PCDHA8: variants seen among roughly 807,000 people sequenced by gnomAD.
PCDHA8 encodes the protein protocadherin alpha 8.
PCDHA8 carries 53 observed loss-of-function variants against 61.8 expected under a neutral mutation model. The observed-to-expected ratio is 0.86, with a 90% CI of 0.69 to 1.08. The LOEUF (loss-of-function observed/expected upper bound fraction) is 1.08. Among genes scored for constraint, PCDHA8 ranks in the 50% least tolerant of loss-of-function variants. PCDHA8 has a pLI of 0.00. For missense variants in PCDHA8, 1,293 were observed against 1,245.0 expected (o/e 1.04, Z -0.58); for synonymous variants, 618 against 556.6 (o/e 1.11, Z -1.55).
chr5:140,843,069 G>T lies in PCDHA8; in HGVS notation c.1748G>T (p.Arg583Leu). 1 of 1,595,314 alleles carries T rather than the reference G, an allele frequency of 6.3e-7. No individual in the cohort carries two copies. The highest frequency in any genetic ancestry group is 1.1e-5 in the South Asian group (1 of 90,474). The change falls in exon 1 of 4, where the codon CGG becomes CTG. Residue 583 changes from arginine (R) to leucine (L), a missense_variant. Physicochemically the swap from Arg to Leu is moderately radical, Grantham distance 102 (BLOSUM62 -2). Coordinates refer to ENST00000531613, the MANE Select transcript of PCDHA8 (RefSeq NM_018911.3). The part of the protein sequence containing the change: ...TGGAASKLVP[R>L]SVGAGHVVAK... The stretch of plus-strand genomic sequence containing the variant: ...GGCGCAGCGAGCAAGCTGGTGCCGC[G>T]GTCTGTGGGCGCGGGCCACGTGGTA...
chr5:140,928,795 G>T, intron 1 of PCDHA8: 1 of 1,614,152 alleles, frequency 6.2e-7, no homozygotes, highest in South Asian at 1.1e-5. Flanking sequence ...GCAGAGGGTG[G>T]TGGTAGTGGT....
intron 1 of PCDHA8, among the ~76,000 whole-genome samples, chr5:140,893,595 T>C (rs13187419): frequency 0.05 from 7,691 of 152,298 alleles, 276 homozygotes; most frequent in Non-Finnish European, 0.072. Context: ...GGAAATACTT[T>C]ATTTCTCCTT....
At chr5:140,981,458 C>T (rs1465511355) in intron 2 of PCDHA8, among the ~76,000 whole-genome samples, 5 of 152,134 alleles carry the variant, frequency 3.3e-5, no homozygotes, top group African/African-American at 4.8e-5. Flanking sequence ...CCTGTAGTCC[C>T]AGCTACTTGG....
At chr5:140,982,298 A>G (rs1371152402) in intron 2 of PCDHA8, 177 bp from the exon 3 acceptor site, 12 of 1,189,736 alleles carry the variant, frequency 1.0e-5, no homozygotes, top group Admixed American at 5.6e-5. Flanking sequence ...TAAGTCAGCA[A>G]TGCTTCTGCA....
At chr5:140,903,545 CTT>C (rs1410531246) in intron 1 of PCDHA8, among the ~76,000 whole-genome samples, 2 of 152,130 alleles carry the variant, frequency 1.3e-5, no homozygotes, top group East Asian at 3.8e-4. Flanking sequence ...GAGCAAGAAA[CTT>C]TTCTAATAAG....
chr5:140,964,560 TGGGAGGAGATAAG>T (rs2095840156), intron 1 of PCDHA8, among the ~76,000 whole-genome samples: 1 of 152,082 alleles, frequency 6.6e-6, no homozygotes, highest in Admixed American at 6.6e-5. Context: ...CTTGGAGGGC[TGGGAGGAGATAAG>T]GGGAGGAAAG....
chr5:140,896,750 A>G (rs781993760), intron 1 of PCDHA8, among the ~76,000 whole-genome samples: 3 of 152,114 alleles, frequency 2.0e-5, no homozygotes, highest in Non-Finnish European at 4.4e-5. Flanking sequence ...GATTCTGGAT[A>G]TTAGACCTTT....
At chr5:140,883,597 G>T (rs2059691205) in intron 1 of PCDHA8, 3 of 1,614,004 alleles carry the variant, frequency 1.9e-6, no homozygotes, top group Middle Eastern at 1.7e-4. Context: ...GCGTGTCGGT[G>T]GGGGTGGCCG....
At chr5:140,968,540 G>A (rs1554230842) in intron 1 of PCDHA8, 8 of 1,614,064 alleles carry the variant, frequency 5.0e-6, no homozygotes, top group Non-Finnish European at 1.7e-6. Context: ...AGCAGCCTTC[G>A]AGATGGTGCC....
chr5:140,850,756 G>A (rs2150497273), intron 1 of PCDHA8: 1 of 1,598,098 alleles, frequency 6.3e-7, no homozygotes, highest in Non-Finnish European at 8.6e-7. Context: ...TCGCAGCAGA[G>A]GAGGCAGAGG....
chr5:140,878,537 C>G (rs1554170454), intron 1 of PCDHA8, among the ~76,000 whole-genome samples: 2 of 152,152 alleles, frequency 1.3e-5, no homozygotes, highest in African/African-American at 4.8e-5. Flanking sequence ...GTGGCTCAAA[C>G]CAGTTTCAGA....
chr5:140,928,012 A>C, intron 1 of PCDHA8: 2 of 1,614,190 alleles, frequency 1.2e-6, no homozygotes, highest in Non-Finnish European at 1.7e-6. Context: ...TTCTAATGGT[A>C]GGGTCATTTG....
intron 1 of PCDHA8, among the ~76,000 whole-genome samples, chr5:140,949,378 A>G (rs2094372256): frequency 6.6e-6 from 1 of 151,852 alleles, no homozygotes; most frequent in South Asian, 2.1e-4. Flanking sequence ...TGTCCTATCA[A>G]TTGCTCAGAG....
chr5:140,885,603 T>G (rs2060651521), intron 1 of PCDHA8, among the ~76,000 whole-genome samples: 1 of 152,202 alleles, frequency 6.6e-6, no homozygotes, highest in South Asian at 2.1e-4. Context: ...ATATTAATAA[T>G]TTTAATTATA....
At chr5:140,925,114 G>T (rs1341892158) in intron 1 of PCDHA8, among the ~76,000 whole-genome samples, 2 of 151,122 alleles carry the variant, frequency 1.3e-5, no homozygotes, top group East Asian at 3.9e-4. Context: ...AGGAGGGAAG[G>T]AAGGAAGGAA....
intron 1 of PCDHA8, among the ~76,000 whole-genome samples, chr5:140,902,647 G>A (rs1286700570): frequency 6.6e-6 from 1 of 150,932 alleles, no homozygotes; most frequent in African/African-American, 2.4e-5. Context: ...CTGAGATTTT[G>A]GTGCACCTGT....
At position 140,936,025 on chromosome 5, in the gene PCDHA8, G is replaced by A. The variant is rs542573400; in HGVS notation, c.2395-42924G>A. On this transcript the variant is annotated intron_variant, in intron 1 of 3. Coordinates refer to ENST00000531613, the MANE Select transcript of PCDHA8 (RefSeq NM_018911.3). ...CTCCCACCTCAGCCTCCCGAGTAGC[G>A]GGGATTACAGGCACCCACCACCACA... 1.5e-3 allele frequency among the ~76,000 whole-genome samples: 222 copies of A among 151,390 alleles called. 1 individual carries two copies. The highest frequency in any genetic ancestry group is 6.8e-3 in the Middle Eastern group (2 of 294).
intron 1 of PCDHA8, chr5:140,857,702 G>C: frequency 6.3e-7 from 1 of 1,597,414 alleles, no homozygotes; most frequent in Non-Finnish European, 8.6e-7. Context: ...GACGCTGCAG[G>C]TGTTCGTGCT....
chr5:140,877,657 G>T (rs1554169952), intron 1 of PCDHA8: 2 of 1,613,570 alleles, frequency 1.2e-6, no homozygotes, highest in East Asian at 2.2e-5. Context: ...GCCGCCCACC[G>T]TGAGCCGGTG....
Sources: gnomAD v4.1 joint callset for allele counts (sites outside exome capture counted in the v4.1 genomes callset) on GRCh38, gnomAD v4.1.1 for gene constraint, MANE v1.5 for transcripts, NCBI Gene and HGNC (gene_info 2026-07-23, HGNC 2026-07-21) for gene names.